SNX6: variants seen among roughly 807,000 people sequenced by gnomAD.
SNX6 encodes the protein sorting nexin 6.
A neutral mutation model predicts 63.0 loss-of-function variants in SNX6; 34 were observed. The observed-to-expected ratio is 0.54, with a 90% confidence interval of 0.41 to 0.72. The LOEUF (loss-of-function observed/expected upper bound fraction) is 0.72, where lower values mean the gene tolerates loss of function less well. Among genes scored for constraint, SNX6 ranks in the 30% least tolerant of loss-of-function variants. SNX6 has a pLI of 0.00. For missense variants in SNX6, 398 were observed against 471.4 expected (o/e 0.84, Z 1.44); for synonymous variants, 170 against 164.2 (o/e 1.04, Z -0.27).
At chr14:34,602,737 G>A (rs1882868612) in intron 6 of SNX6, among the ~76,000 whole-genome samples, 1 of 152,158 alleles carries the variant, frequency 6.6e-6, no homozygotes, top group Non-Finnish European at 1.5e-5. Flanking sequence ...AGCACTTTGG[G>A]AGGCTGAGGT....
chr14:34,575,228 C>T (rs1431325588), intron 11 of SNX6, among the ~76,000 whole-genome samples: 1 of 142,664 alleles, frequency 7.0e-6, no homozygotes, highest in African/African-American at 2.6e-5. Flanking sequence ...GACAGAGTTT[C>T]GCTCCTGTTG....
intron 2 of SNX6, among the ~76,000 whole-genome samples, chr14:34,621,053 A>G (rs1883604260): frequency 6.6e-6 from 1 of 152,134 alleles, no homozygotes; most frequent in Non-Finnish European, 1.5e-5. Context: ...TGATCAAGCA[A>G]TCTTCCTGCC....
At position 34,562,793 on chromosome 14, in the gene SNX6, A is replaced by AT. The variant is rs1296287962; in HGVS notation, c.*328dup. On this transcript the variant is annotated 3_prime_UTR_variant, in exon 14 of 14. Transcript: ENST00000362031. Reference sequence around the variant, plus strand: ...AATTTCAGAAATTATTTAAAGGTAAATAAGAGTGGCAGCCATAAGGAATAC... The same window carrying AT: ...AATTTCAGAAATTATTTAAAGGTAAATTAAGAGTGGCAGCCATAAGGAATAC... 4.4e-5 allele frequency: 11 copies of AT among 251,836 alleles called. No individual in the cohort carries two copies. The highest frequency in any genetic ancestry group is 1.6e-4 in the Admixed American group (3 of 18,874). The allele number at this position is 251,836 out of a possible 1,614,324, so 15.6% of individuals were successfully genotyped here. A position where few individuals can be genotyped will look rare whatever the true frequency, so the allele number is the denominator to read the frequency against.
intron 8 of SNX6, among the ~76,000 whole-genome samples, chr14:34,591,449 G>A (rs1020136684): frequency 1.3e-4 from 20 of 151,992 alleles, no homozygotes; most frequent in Admixed American, 1.3e-4. Flanking sequence ...CTATCTAGCC[G>A]GGCACGGTGG....
intron 10 of SNX6, among the ~76,000 whole-genome samples, chr14:34,577,661 A>G (rs994693372): frequency 1.3e-5 from 2 of 152,110 alleles, no homozygotes; most frequent in Admixed American, 6.6e-5. Context: ...TATTATATCA[A>G]CCAAATGCAA....
intron 1 of SNX6, 22 bp from the exon 2 acceptor site, chr14:34,629,976 C>A (rs1183883412): frequency 4.6e-6 from 7 of 1,530,028 alleles, no homozygotes; most frequent in Non-Finnish European, 6.1e-6. Context: ...GCGGGCACGG[C>A]GCGCCGGGGA....
chr14:34,604,111 G>C, intron 5 of SNX6: 4 of 1,231,168 alleles, frequency 3.2e-6, no homozygotes, highest in Non-Finnish European at 4.1e-6. Context: ...TCAACTACGT[G>C]CAAGAAGGAT....
At chr14:34,580,626 T>C (rs1881897042) in intron 10 of SNX6, among the ~76,000 whole-genome samples, 1 of 152,040 alleles carries the variant, frequency 6.6e-6, no homozygotes, top group African/African-American at 2.4e-5. Context: ...ATATAGTATT[T>C]AATTAATTTG....
At chr14:34,566,234 A>G (rs895704985) in intron 13 of SNX6, among the ~76,000 whole-genome samples, 17 of 152,232 alleles carry the variant, frequency 1.1e-4, no homozygotes, top group Admixed American at 3.3e-4. Context: ...CAAATGTTAA[A>G]TAAATTTTTC....
At chr14:34,616,791 G>A (rs1205680311) in intron 2 of SNX6, among the ~76,000 whole-genome samples, 1 of 152,074 alleles carries the variant, frequency 6.6e-6, no homozygotes, top group Non-Finnish European at 1.5e-5. Context: ...AAATTTAATC[G>A]GCTGGGTGTG....
At chr14:34,587,007 T>TGA (rs1882189410) in intron 8 of SNX6, among the ~76,000 whole-genome samples, 1 of 24,246 alleles carries the variant, frequency 4.1e-5, no homozygotes, top group African/African-American at 1.6e-4. Context: ...AGACTCTGTC[T>TGA]CAAAAAAAAA....
At chr14:34,626,625 C>T (rs1366819551) in intron 2 of SNX6, among the ~76,000 whole-genome samples, 6 of 143,540 alleles carry the variant, frequency 4.2e-5, no homozygotes, top group Admixed American at 7.4e-5. Context: ...GCTGAGATCA[C>T]GCCACTGCAC....
intron 11 of SNX6, among the ~76,000 whole-genome samples, chr14:34,572,767 G>A (rs181655555): frequency 1.3e-4 from 20 of 151,544 alleles, no homozygotes; most frequent in Non-Finnish European, 2.1e-4. Flanking sequence ...TGCAAGCTCC[G>A]CCTCCTGGGT....
chr14:34,626,754 T>C (rs1883844335), intron 2 of SNX6, among the ~76,000 whole-genome samples: 1 of 151,404 alleles, frequency 6.6e-6, no homozygotes, highest in Non-Finnish European at 1.5e-5. Flanking sequence ...CATAAAGCCA[T>C]GAACACAAAT....
At chr14:34,611,061 C>G (rs1182687490) in intron 2 of SNX6, among the ~76,000 whole-genome samples, 1 of 152,056 alleles carries the variant, frequency 6.6e-6, no homozygotes, top group Non-Finnish European at 1.5e-5. Context: ...GTGCAGTGCT[C>G]TGTTCACTAC....
At chr14:34,604,025 G>T in intron 5 of SNX6, 1 of 800,042 alleles carries the variant, frequency 1.2e-6, no homozygotes, top group Non-Finnish European at 1.6e-6. Flanking sequence ...GAATCCCAGA[G>T]ACCACAAAGT....
chr14:34,593,342 CTA>C (rs1594721944), intron 7 of SNX6, among the ~76,000 whole-genome samples, 192 bp from the exon 8 acceptor site: 1 of 151,814 alleles, frequency 6.6e-6, no homozygotes. Context: ...AAGAAATCTT[CTA>C]TGACTTTGCA....
intron 2 of SNX6, among the ~76,000 whole-genome samples, chr14:34,617,017 G>A (rs999686506): frequency 1.3e-5 from 2 of 152,080 alleles, no homozygotes; most frequent in Non-Finnish European, 2.9e-5. Context: ...AGGAGGCGGA[G>A]GCTGCAGTGA....
rs189114234 is a variant in SNX6 at position 34,604,896 on chromosome 14, A to G, written c.392+700T>C. Among the ~76,000 whole-genome samples the G allele has an allele frequency of 9.9e-3, 1,499 of 152,074 alleles. 29 individuals are homozygous for G. Among genetic ancestry groups the G allele is most frequent in the African/African-American group, 0.034 (1,419 of 41,528 alleles). On this transcript the variant is annotated intron_variant, in intron 5 of 13. Coordinates refer to ENST00000362031, the MANE Select transcript of SNX6 (RefSeq NM_152233.4). ...TAAAATCCAAAATGCACTCCCAGGG[A>G]TTCTGCATAAGTGATACTCAACCTG...
Sources: gnomAD v4.1 joint callset for allele counts (sites outside exome capture counted in the v4.1 genomes callset) on GRCh38, gnomAD v4.1.1 for gene constraint, MANE v1.5 for transcripts, NCBI Gene and HGNC (gene_info 2026-07-23, HGNC 2026-07-21) for gene names.